OXR1: variants seen among roughly 807,000 people sequenced by gnomAD.
OXR1 encodes oxidation resistance 1.
Under a neutral mutation model 104.6 loss-of-function variants are expected in OXR1, and 41 were observed. The ratio of observed to expected loss-of-function variants is 0.39; its 90% confidence interval spans 0.31 to 0.51. The LOEUF (loss-of-function observed/expected upper bound fraction) is 0.51. Among genes scored for constraint, OXR1 ranks in the 20% least tolerant of loss-of-function variants. The pLI is 0.77. For synonymous variants in OXR1, 348 were observed against 348.4 expected (o/e 1.00, Z 0.01); for missense variants, 955 against 1,031.9 (o/e 0.93, Z 1.02).
chr8:106,302,540 C>T (rs1053715335), intron 1 of OXR1, among the ~76,000 whole-genome samples: 22 of 148,470 alleles, frequency 1.5e-4, no homozygotes, highest in Middle Eastern at 3.5e-3. Context: ...GAGCTTAGAT[C>T]GCGCCAGTGC....
At chr8:106,438,298 C>T (rs192912569) in intron 2 of OXR1, among the ~76,000 whole-genome samples, 10 of 152,114 alleles carry the variant, frequency 6.6e-5, no homozygotes, top group African/African-American at 2.4e-4. Context: ...GTTATATCTA[C>T]CTATGTTAAA....
chr8:106,743,172 A>T (rs1835069778), intron 15 of OXR1, among the ~76,000 whole-genome samples: 1 of 152,220 alleles, frequency 6.6e-6, no homozygotes, highest in African/African-American at 2.4e-5. Flanking sequence ...AAAACCTGTG[A>T]AATAAAGCTC....
chr8:106,286,090 A>G (rs1272424008), intron 1 of OXR1, among the ~76,000 whole-genome samples: 8 of 152,156 alleles, frequency 5.3e-5, no homozygotes, highest in Non-Finnish European at 1.0e-4. Context: ...TGGTAAAATG[A>G]TGACCTTATT....
intron 3 of OXR1, among the ~76,000 whole-genome samples, chr8:106,578,184 A>G (rs2130609698): frequency 1.3e-5 from 2 of 152,322 alleles, no homozygotes; most frequent in East Asian, 3.9e-4. Flanking sequence ...ATCAGCAGCC[A>G]TGTGCAGGGT....
intron 1 of OXR1, among the ~76,000 whole-genome samples, chr8:106,308,013 AAC>A (rs1238921361): frequency 2.8e-5 from 4 of 141,488 alleles, no homozygotes; most frequent in East Asian, 1.9e-4. Context: ...CACACACACA[AAC>A]ACACACACAC....
chr8:106,306,553 T>G (rs1813473085), intron 1 of OXR1, among the ~76,000 whole-genome samples: 1 of 151,862 alleles, frequency 6.6e-6, no homozygotes. Flanking sequence ...GTTTTACAAA[T>G]TGTGGTATAT....
intron 2 of OXR1, among the ~76,000 whole-genome samples, chr8:106,375,157 G>A (rs1468906418): frequency 1.3e-5 from 2 of 152,068 alleles, no homozygotes; most frequent in Non-Finnish European, 2.9e-5. Context: ...ATAGAATCAG[G>A]CTCATTGAAA....
chr8:106,633,333 C>T (rs1271456546), intron 3 of OXR1, among the ~76,000 whole-genome samples: 1 of 152,148 alleles, frequency 6.6e-6, no homozygotes, highest in African/African-American at 2.4e-5. Flanking sequence ...TAGCACTACT[C>T]TACTCTGCTG....
intron 2 of OXR1, among the ~76,000 whole-genome samples, chr8:106,506,874 T>C (rs948975224): frequency 2.0e-5 from 3 of 151,950 alleles, no homozygotes; most frequent in African/African-American, 4.8e-5. Flanking sequence ...AAGGATTGCT[T>C]GAGCTCAGGA....
intron 4 of OXR1, among the ~76,000 whole-genome samples, chr8:106,682,292 A>G (rs551596372): frequency 3.3e-4 from 44 of 133,104 alleles, no homozygotes; most frequent in African/African-American, 1.2e-3. Flanking sequence ...TTTTTGAGAC[A>G]GAGTCTCGCC....
At chr8:106,622,103 G>T (rs1821754112) in intron 3 of OXR1, among the ~76,000 whole-genome samples, 1 of 151,910 alleles carries the variant, frequency 6.6e-6, no homozygotes, top group South Asian at 2.1e-4. Flanking sequence ...AGCTATTCAG[G>T]CCAGAAACAT....
chr8:106,692,444 C>T (rs1276907895), intron 6 of OXR1, among the ~76,000 whole-genome samples: 3 of 151,992 alleles, frequency 2.0e-5, no homozygotes, highest in Admixed American at 6.6e-5. Flanking sequence ...GTTCACTGTT[C>T]TCCAGATTAT....
intron 2 of OXR1, among the ~76,000 whole-genome samples, chr8:106,477,927 T>C (rs1821894577): frequency 6.6e-6 from 1 of 151,984 alleles, no homozygotes; most frequent in Admixed American, 6.6e-5. Context: ...TATTGTTTGT[T>C]ATTGATGAGA....
chr8:106,569,293 A>G (rs1817299232), intron 3 of OXR1, among the ~76,000 whole-genome samples: 1 of 152,086 alleles, frequency 6.6e-6, no homozygotes, highest in South Asian at 2.1e-4. Context: ...AAATTCTTAA[A>G]AGGAGAGTTG....
chr8:106,570,272 A>G (rs1817380257), intron 3 of OXR1, among the ~76,000 whole-genome samples: 1 of 152,192 alleles, frequency 6.6e-6, no homozygotes. Context: ...TAGTCCTGGA[A>G]GTCCAGGACC....
At chr8:106,443,475 G>A (rs993143894) in intron 2 of OXR1, among the ~76,000 whole-genome samples, 4 of 152,024 alleles carry the variant, frequency 2.6e-5, no homozygotes, top group African/African-American at 9.7e-5. Flanking sequence ...TTAATTTTCT[G>A]TCTCGTTGAT....
At chr8:106,679,324 T>C in intron 4 of OXR1, 32 bp downstream of exon 4, 1 of 1,205,526 alleles carries the variant, frequency 8.3e-7, no homozygotes, top group Non-Finnish European at 1.2e-6. Context: ...AAGCTATTTT[T>C]CTTTGTAAGA....
chr8:106,532,619 G>A (rs1415414771), intron 3 of OXR1, among the ~76,000 whole-genome samples: 1 of 152,172 alleles, frequency 6.6e-6, no homozygotes, highest in Non-Finnish European at 1.5e-5. Context: ...AGCAGGACAA[G>A]CAAAAGATTC....
intron 11 of OXR1, among the ~76,000 whole-genome samples, chr8:106,731,079 G>T (rs761669919): frequency 1.8e-4 from 28 of 152,088 alleles, no homozygotes; most frequent in Admixed American, 4.6e-4. Context: ...GATGTGTAGT[G>T]ATATCTCAAT....
Sources: allele counts gnomAD v4.1 joint callset (sites outside exome capture counted in the v4.1 genomes callset), GRCh38; gene constraint gnomAD v4.1.1; transcripts MANE v1.5; gene names NCBI Gene and HGNC (gene_info 2026-07-23, HGNC 2026-07-21).